Variants in FBXL2 observed in about 807,000 individuals in gnomAD.
FBXL2 encodes F-box/LRR-repeat protein 2.
Under a neutral mutation model 69.2 loss-of-function variants are expected in FBXL2, and 38 were observed. The observed-to-expected ratio is 0.55, with a 90% CI of 0.42 to 0.72. The LOEUF is 0.72. Among genes scored for constraint, FBXL2 ranks in the 30% least tolerant of loss-of-function variants. The probability of loss-of-function intolerance (pLI) is 0.00; values close to 1 mark genes in which losing one functional copy is unlikely to be tolerated. For missense variants in FBXL2, 354 were observed against 520.3 expected (o/e 0.68, Z 3.11); for synonymous variants, 192 against 201.3 (o/e 0.95, Z 0.39).
intron 2 of FBXL2, among the ~76,000 whole-genome samples, chr3:33,320,085 G>T (rs1006350487): frequency 3.9e-5 from 6 of 152,116 alleles, no homozygotes; most frequent in Non-Finnish European, 8.8e-5. Flanking sequence ...TAATTCAAAT[G>T]CCATCTGGAA....
At chr3:33,347,065 C>G (rs1204356023) in intron 2 of FBXL2, among the ~76,000 whole-genome samples, 1 of 152,104 alleles carries the variant, frequency 6.6e-6, no homozygotes, top group East Asian at 1.9e-4. Context: ...TTCGTTCTTT[C>G]TAACTACTTT....
chr3:33,364,626 G>A lies in FBXL2; in HGVS notation c.197G>A (p.Gly66Asp). The change falls in exon 5 of 15, where the codon GGT becomes GAT. Residue 66 changes from glycine to aspartate, a missense_variant and splice_region_variant. Physicochemically the swap from Gly to Asp is moderately conservative, Grantham distance 94. Transcript: ENST00000484457. ...DLFNFQTDVEGRVVENISKRC... is the reference protein window; with the variant it reads ...DLFNFQTDVEDRVVENISKRC... ...CCTCCCGAACTTTCTTGATTAAAGG[G>A]TCGAGTGGTGGAAAATATCTCGAAG... is the stretch of plus-strand genomic sequence containing the variant. 6.2e-7 allele frequency: 1 copy of A among 1,613,956 alleles called. No homozygotes were observed. Among genetic ancestry groups the A allele is most frequent in the Non-Finnish European group, 8.5e-7 (1 of 1,179,846 alleles).
rs546643491 is a variant in FBXL2, at chr3:33,302,265, A to T, written c.65+4540A>T. ...TAAACTGGACGAATTCAATCTCAGT[A>T]GAAATTGCATACTACTATCTTATAT... On this transcript the variant is annotated intron_variant, in intron 2 of 14. Coordinates refer to ENST00000484457, the MANE Select transcript of FBXL2 (RefSeq NM_012157.5). Among the ~76,000 whole-genome samples, 8 of 152,336 alleles carry T rather than the reference A, an allele frequency of 5.3e-5. No homozygotes were observed. In the South Asian group the frequency reaches 1.4e-3, roughly 28 times the overall value.
intron 2 of FBXL2, among the ~76,000 whole-genome samples, chr3:33,336,683 G>T (rs1036804385): frequency 2.0e-5 from 3 of 152,142 alleles, no homozygotes; most frequent in South Asian, 2.1e-4. Context: ...GAGGTGGGTG[G>T]ATCACGAGGC....
At chr3:33,369,695 G>A (rs1393910501) in intron 5 of FBXL2, among the ~76,000 whole-genome samples, 2 of 151,658 alleles carry the variant, frequency 1.3e-5, no homozygotes, top group Admixed American at 6.6e-5. Flanking sequence ...TCAGTGCAAC[G>A]TCTGCCTCCC....
chr3:33,277,196 A>AT (rs2033357544), upstream of FBXL2: 1 of 361,102 alleles, frequency 2.8e-6, no homozygotes, highest in Non-Finnish European at 4.9e-6. Context: ...AAAAAAAAAA[A>AT]AATCCATGGT....
intron 5 of FBXL2, among the ~76,000 whole-genome samples, chr3:33,370,176 A>G (rs547607037): frequency 7.2e-5 from 11 of 151,938 alleles, no homozygotes; most frequent in Non-Finnish European, 1.3e-4. Flanking sequence ...GCACTTTGGG[A>G]GGCTGAGGCG....
intron 12 of FBXL2, chr3:33,393,542 A>G: frequency 2.3e-6 from 3 of 1,308,258 alleles, no homozygotes; most frequent in Non-Finnish European, 3.1e-6. Context: ...TACGAAGGTC[A>G]CACCTTTCAA....
chr3:33,362,571 A>T (rs927445771), intron 4 of FBXL2, among the ~76,000 whole-genome samples: 29 of 152,326 alleles, frequency 1.9e-4, no homozygotes, highest in African/African-American at 6.7e-4. Flanking sequence ...CCAAAAGGGG[A>T]GGACTAGAAA....
chr3:33,366,218 GGA>G (rs1335418204), intron 5 of FBXL2, among the ~76,000 whole-genome samples: 5 of 152,102 alleles, frequency 3.3e-5, no homozygotes, highest in African/African-American at 1.2e-4. Flanking sequence ...ATATATTATT[GGA>G]TCCTATTTGC....
At chr3:33,397,616 CT>C (rs1214739522) in intron 12 of FBXL2, 1 of 152,124 alleles carries the variant, frequency 6.6e-6, no homozygotes, top group Non-Finnish European at 1.5e-5. Flanking sequence ...GACTGGGCCT[CT>C]TTATTCTGAA....
At chr3:33,392,701 A>C, downstream of FBXL2, 3 of 1,294,356 alleles carry the variant, frequency 2.3e-6, no homozygotes, top group Non-Finnish European at 3.2e-6. Context: ...TATTCTTCTC[A>C]AACAAACACA....
chr3:33,373,462 G>C, intron 7 of FBXL2, 107 bp downstream of exon 7: 1 of 1,533,792 alleles, frequency 6.5e-7, no homozygotes, highest in Admixed American at 1.7e-5. Flanking sequence ...GTGACTCCAA[G>C]AGGTCCCAGG....
At chr3:33,328,885 A>G (rs2038934155) in intron 2 of FBXL2, among the ~76,000 whole-genome samples, 2 of 152,032 alleles carry the variant, frequency 1.3e-5, no homozygotes, top group Non-Finnish European at 2.9e-5. Flanking sequence ...AATTGGGATT[A>G]CATCAAGCTA....
intron 13 of FBXL2, among the ~76,000 whole-genome samples, chr3:33,380,557 A>G (rs1035783297): frequency 1.4e-5 from 1 of 71,556 alleles, no homozygotes; most frequent in African/African-American, 4.4e-5. Flanking sequence ...AAACTCCATA[A>G]AAAAAAAAAA....
At chr3:33,322,041 A>G (rs985579027) in intron 2 of FBXL2, among the ~76,000 whole-genome samples, 1 of 149,206 alleles carries the variant, frequency 6.7e-6, no homozygotes, top group Non-Finnish European at 1.5e-5. Context: ...GGAACCTGCA[A>G]ATGTACACGT....
chr3:33,328,694 A>C (rs1002091611), intron 2 of FBXL2, among the ~76,000 whole-genome samples: 1 of 152,172 alleles, frequency 6.6e-6, no homozygotes, highest in African/African-American at 2.4e-5. Context: ...TGCAAAACCC[A>C]AAATGGATTA....
intron 13 of FBXL2, among the ~76,000 whole-genome samples, chr3:33,382,105 C>T (rs564791886): frequency 3.3e-5 from 5 of 152,290 alleles, no homozygotes; most frequent in South Asian, 2.1e-4. Flanking sequence ...ATACCTTACA[C>T]CCATCCACTC....
chr3:33,295,201 C>G (rs1189658806), intron 1 of FBXL2, among the ~76,000 whole-genome samples: 2 of 152,154 alleles, frequency 1.3e-5, no homozygotes, highest in East Asian at 1.9e-4. Flanking sequence ...TTACAACTGT[C>G]TAATTCAAGA....
Sources: allele counts gnomAD v4.1 joint callset (sites outside exome capture counted in the v4.1 genomes callset), GRCh38; gene constraint gnomAD v4.1.1; transcripts MANE v1.5; gene names NCBI Gene and HGNC (gene_info 2026-07-23, HGNC 2026-07-21).